ZNF90: variants seen among roughly 807,000 people sequenced by gnomAD.
ZNF90 encodes the protein zinc finger protein HTF9.
A neutral mutation model predicts 12.0 loss-of-function variants in ZNF90; 11 were observed. The observed-to-expected ratio is 0.92, with a 90% CI of 0.58 to 1.52. The LOEUF (loss-of-function observed/expected upper bound fraction) is 1.52. ZNF90 is among the 40% of genes most tolerant of loss of function. The pLI, the probability that ZNF90 is intolerant of heterozygous loss-of-function variation, is 0.00. For missense variants in ZNF90, 765 were observed against 711.5 expected, an observed-to-expected ratio of 1.08 and a Z score of -0.86; for synonymous variants, 232 against 240.1, an observed-to-expected ratio of 0.97 and a Z score of 0.31.
rs781853449 is a variant in ZNF90, at chr19:20,117,811, G to A, written c.257G>A (p.Cys86Tyr). Residue 86 changes from cysteine (C) to tyrosine (Y), a missense_variant, in exon 4 of 4, where the codon TGT (cysteine) becomes TAT (tyrosine). By Grantham distance (194) the Cys-to-Tyr change is radical. Transcript: ENST00000418063. ...VMCFHFAQDL[C>Y]PEQSLKDSFQ... ...TGTTTTCATTTTGCCCAAGACCTTT[G>A]TCCAGAGCAGAGCCTAAAAGATTCC... 27 of 1,571,080 alleles carry A rather than the reference G, an allele frequency of 1.7e-5. No homozygotes were observed. Among genetic ancestry groups the A allele is most frequent in the African/African-American group, 2.7e-5 (2 of 73,018 alleles).
chr19:20,118,690 T>C lies in ZNF90; in HGVS notation c.1136T>C (p.Ile379Thr). The change falls in exon 4 of 4, where the codon ATT becomes ACT. Residue 379 changes from isoleucine to threonine, a missense_variant. Physicochemically the swap from Ile to Thr is moderately conservative, Grantham distance 89. Coordinates refer to ENST00000418063, the MANE Select transcript of ZNF90 (RefSeq NM_007138.2). ...TGTGATAAATGTGGCAAAGCATTTA[T>C]TTCATCCTCACTCCTTTATAAACAT... The part of the protein sequence containing the change: ...YKCDKCGKAF[I>T]SSSLLYKHKI... The C allele has an allele frequency of 6.4e-7, 1 of 1,565,256 alleles. No homozygotes were observed.
intron 1 of ZNF90, among the ~76,000 whole-genome samples, chr19:20,097,911 G>A (rs1310632058): frequency 3.9e-5 from 6 of 152,104 alleles, no homozygotes; most frequent in Admixed American, 3.3e-4. Context: ...TGTTATTTCT[G>A]TAAACAAATA....
intron 1 of ZNF90, among the ~76,000 whole-genome samples, chr19:20,083,317 T>A (rs568736630): frequency 6.9e-4 from 104 of 150,992 alleles, no homozygotes; most frequent in Non-Finnish European, 1.1e-3. Context: ...TTAGTTTTCT[T>A]TTTTTTTTGT....
chr19:20,100,055 T>C (rs782432600), intron 1 of ZNF90, among the ~76,000 whole-genome samples: 2 of 152,162 alleles, frequency 1.3e-5, no homozygotes, highest in Non-Finnish European at 2.9e-5. Context: ...TGGGACCCTC[T>C]ATTAGAAATG....
In ZNF90 at chr19:20,112,132, C is replaced by A. The variant is rs533533815; in HGVS notation, c.227-5649C>A. ...TCATCCTCCCAAAGTGCTGGGATTA[C>A]AGGCATGAGCCGATGTGCCCAGTCG... On this transcript the variant is annotated intron_variant, in intron 3 of 3. Coordinates refer to ENST00000418063, the MANE Select transcript of ZNF90 (RefSeq NM_007138.2). Among the ~76,000 whole-genome samples the A allele has an allele frequency of 2.0e-5, 3 of 152,156 alleles. No individual in the cohort carries two copies. The South Asian group carries it at 6.2e-4, about 32-fold the overall frequency.
intron 1 of ZNF90, chr19:20,080,146 G>T: frequency 2.4e-6 from 1 of 415,520 alleles, no homozygotes; most frequent in South Asian, 2.0e-5. Context: ...TGTTGAGGCT[G>T]CAAGAATTGC....
rs1317516464 is a variant in ZNF90, at chr19:20,119,636, T to A, written c.*276T>A. On this transcript the variant is annotated 3_prime_UTR_variant, in exon 4 of 4. Coordinates refer to ENST00000418063, the MANE Select transcript of ZNF90 (RefSeq NM_007138.2). ...AGTTCTCAATTCTTTTTTTTTTTTT[T>A]TAAGAAGGAGTTTCATGCTTCTCAC... is the stretch of plus-strand genomic sequence containing the variant. The A allele has an allele frequency of 3.5e-6, 1 of 282,446 alleles. No individual in the cohort carries two copies. The highest frequency in any genetic ancestry group is 2.2e-5 in the African/African-American group (1 of 44,774). The allele number at this position is 282,446 out of a possible 1,614,324, so 17.5% of individuals were successfully genotyped here.
chr19:20,080,208 C>T, intron 1 of ZNF90: 2 of 562,766 alleles, frequency 3.6e-6, no homozygotes, highest in South Asian at 1.4e-5. Flanking sequence ...ACTAGTACCA[C>T]CGTCCTGACG....
At chr19:20,080,375 G>A (rs957276156) in intron 1 of ZNF90, 8 of 429,632 alleles carry the variant, frequency 1.9e-5, no homozygotes, top group African/African-American at 4.2e-5. Context: ...TCAGGGCACC[G>A]TATTTCTTCT....
intron 3 of ZNF90, among the ~76,000 whole-genome samples, chr19:20,110,796 G>A (rs777166281): frequency 7.4e-4 from 112 of 152,012 alleles, no homozygotes; most frequent in Admixed American, 2.4e-3. Flanking sequence ...ATAGTTTTTT[G>A]TGCCCTTTCA....
intron 1 of ZNF90, among the ~76,000 whole-genome samples, chr19:20,101,236 C>A (rs2088987503): frequency 6.6e-6 from 1 of 152,190 alleles, no homozygotes; most frequent in Non-Finnish European, 1.5e-5. Flanking sequence ...TTCATCCTAA[C>A]TGCACTGAAC....
chr19:20,120,662 A>G lies in ZNF90; in HGVS notation c.*1302A>G, dbSNP rs1192915321. Reference sequence around the variant, plus strand: ...GAATTTACAGTAGAATAAGGCACTGATACTTCAGACATTACACTAAAACAG... The same window carrying G: ...GAATTTACAGTAGAATAAGGCACTGGTACTTCAGACATTACACTAAAACAG... On this transcript the variant is annotated 3_prime_UTR_variant, in exon 4 of 4. Coordinates refer to ENST00000418063, the MANE Select transcript of ZNF90 (RefSeq NM_007138.2). Among the ~76,000 whole-genome samples the G allele has an allele frequency of 2.0e-5, 3 of 152,226 alleles. No individual in the cohort carries two copies. The highest frequency in any genetic ancestry group is 2.0e-4 in the Admixed American group (3 of 15,278).
chr19:20,116,957 T>C (rs2089141592), intron 3 of ZNF90, among the ~76,000 whole-genome samples: 1 of 148,936 alleles, frequency 6.7e-6, no homozygotes, highest in Admixed American at 6.7e-5. Flanking sequence ...GAAATAAAGA[T>C]GTATGTGCCA....
At chr19:20,100,614 G>A (rs7249965) in intron 1 of ZNF90, among the ~76,000 whole-genome samples, 2 of 152,138 alleles carry the variant, frequency 1.3e-5, no homozygotes, top group African/African-American at 4.8e-5. Flanking sequence ...CTACTACACC[G>A]CAATTCAGCA....
rs1434666348 is a variant in ZNF90 at position 20,086,685 on chromosome 19, CACATACTATAT to C, written c.3+8566_3+8576del. ...TTTAAAACTATAATTTTAAACTATA[CACATACTATAT>C]ACATACTATATACATTATGACTAGT... On this transcript the variant is annotated intron_variant, in intron 1 of 3. Transcript: ENST00000418063. Among the ~76,000 whole-genome samples, 10 of 152,144 alleles carry C rather than the reference CACATACTATAT, an allele frequency of 6.6e-5. No individual in the cohort carries two copies. In the South Asian group the frequency reaches 1.9e-3, roughly 28 times the overall value.
chr19:20,112,688 T>C (rs1443871215), intron 3 of ZNF90, among the ~76,000 whole-genome samples: 1 of 152,200 alleles, frequency 6.6e-6, no homozygotes, highest in African/African-American at 2.4e-5. Flanking sequence ...TTTTGGAAAG[T>C]CTTTATCTTC....
chr19:20,105,572 C>T (rs1181109946), intron 3 of ZNF90, among the ~76,000 whole-genome samples: 1 of 152,214 alleles, frequency 6.6e-6, no homozygotes, highest in African/African-American at 2.4e-5. Flanking sequence ...CCAGAGTCCT[C>T]TTCATGGCAT....
intron 3 of ZNF90, among the ~76,000 whole-genome samples, chr19:20,110,921 A>G (rs2089083427): frequency 6.6e-6 from 1 of 152,168 alleles, no homozygotes; most frequent in South Asian, 2.1e-4. Context: ...TTTGAATATT[A>G]ACTTCTTTCA....
chr19:20,086,881 G>T (rs947308827), intron 1 of ZNF90: 2 of 152,116 alleles, frequency 1.3e-5, no homozygotes, highest in Non-Finnish European at 2.9e-5. Flanking sequence ...CACTAAATTG[G>T]TATGCTGCTA....
Sources: gnomAD v4.1 joint callset for allele counts (sites outside exome capture counted in the v4.1 genomes callset) on GRCh38, gnomAD v4.1.1 for gene constraint, MANE v1.5 for transcripts, NCBI Gene and HGNC (gene_info 2026-07-23, HGNC 2026-07-21) for gene names.